The following PCP2 variants were observed in gnomAD, a reference collection of about 807,000 sequenced individuals.
PCP2 encodes Purkinje cell protein 2 homolog.
Under a neutral mutation model 18.3 loss-of-function variants are expected in PCP2, and 21 were observed. The ratio of observed to expected loss-of-function variants is 1.14; its 90% confidence interval spans 0.81 to 1.65. The LOEUF is 1.65. Ranked by LOEUF, PCP2 falls within the 40% of genes most tolerant of loss-of-function variation. The pLI is 0.00. For synonymous variants in PCP2, 85 were observed against 77.6 expected (o/e 1.10, Z -0.50); for missense variants, 202 against 201.8 (o/e 1.00, Z 0.00).
In PCP2 at chr19:7,633,536, G is replaced by T; in HGVS notation, c.-79C>A. ...AGAGGGCCTTTTAAACGTCCAGGAC[G>T]TGGGGGTGTGGATTCCCCCCATCCC... On this transcript the variant is annotated 5_prime_UTR_variant, in exon 1 of 4. Transcript: ENST00000311069. The T allele has an allele frequency of 7.1e-7, 1 of 1,410,014 alleles. No homozygotes were observed. The highest frequency in any genetic ancestry group is 2.0e-5 in the Admixed American group (1 of 49,416). The allele number at this position is 1,410,014 out of a possible 1,614,324, so 87.3% of individuals were successfully genotyped here.
In PCP2 at chr19:7,632,691, A is replaced by G; in HGVS notation, c.166+25T>C. 1 of 1,548,314 alleles carries G rather than the reference A, an allele frequency of 6.5e-7. No individual in the cohort carries two copies. ...CTCCCACCCCGTTCACGCCCCATGG[A>G]CAGCACCCCCGTGCCCATGCTCACG... On this transcript the variant is annotated intron_variant, in intron 2 of 3. Coordinates refer to ENST00000311069, the MANE Select transcript of PCP2 (RefSeq NM_174895.3). The surrounding 1 kb of genome is among the most constrained non-coding windows in gnomAD (Gnocchi z 5.2).
At position 7,632,758 on chromosome 19, in the gene PCP2, G is replaced by A. The variant is rs1359982464; in HGVS notation, c.124C>T (p.Arg42Cys). Residue 42 changes from arginine to cysteine, a missense_variant, in exon 2 of 4, where the codon CGC (arginine) becomes TGC (cysteine). Arg to Cys is a radical substitution (Grantham distance 180, BLOSUM62 -3). Coordinates refer to ENST00000311069, the MANE Select transcript of PCP2 (RefSeq NM_174895.3). The surrounding 1 kb of genome is among the most constrained non-coding windows in gnomAD (Gnocchi z 5.2). ...HVQGDRMEGQ[R>C]CSLQAGPGQT... is the part of the protein sequence containing the mutation. ...CCCGGCCCGGCTTGCAGTGAACAGC[G>A]CTGTCCCTCCATCCGGTCGCCCTGC... is the stretch of plus-strand genomic sequence containing the variant. The A allele has an allele frequency of 2.2e-5, 35 of 1,568,192 alleles. No individual in the cohort carries two copies. Among genetic ancestry groups the A allele is most frequent in the Non-Finnish European group, 2.8e-5 (33 of 1,161,220 alleles).
chr19:7,631,828 A>T lies in PCP2; in HGVS notation c.292-20T>A. On this transcript the variant is annotated intron_variant, in intron 3 of 3. Transcript: ENST00000311069. ...TCCGTCCTGTGGATGAAGAGGGGTC[A>T]GCCAGGGGGAGGGCTCAAGGGCAGT... 1 of 1,383,866 alleles carries T rather than the reference A, an allele frequency of 7.2e-7. No individual in the cohort carries two copies. Among genetic ancestry groups the T allele is most frequent in the Non-Finnish European group, 9.4e-7 (1 of 1,062,828 alleles). The allele number at this position is 1,383,866 out of a possible 1,614,324, so 85.7% of individuals were successfully genotyped here. A position where few individuals can be genotyped will look rare whatever the true frequency, so the allele number is the denominator to read the frequency against.
Position 7,631,900 on chromosome 19 carries a change from C to T in PCP2, c.292-92G>A, listed in dbSNP as rs1056332821. On this transcript the variant is annotated intron_variant, in intron 3 of 3. Coordinates refer to ENST00000311069, the MANE Select transcript of PCP2 (RefSeq NM_174895.3). ...ATGGAGAGAGGGTGCAGGTAGCCAC[C>T]GTGTCCCACCTCATTGTGAGCACTG... is the stretch of plus-strand genomic sequence containing the variant. The T allele has an allele frequency of 6.9e-5, 84 of 1,218,214 alleles. No homozygotes were observed. In the African/African-American group the frequency reaches 7.4e-4, roughly 11 times the overall value. The allele number at this position is 1,218,214 out of a possible 1,614,324, so 75.5% of individuals were successfully genotyped here.
intron 3 of PCP2, 181 bp from the exon 4 acceptor site, chr19:7,631,989 G>C (rs2031331345): frequency 1.7e-6 from 1 of 572,272 alleles, no homozygotes; most frequent in Non-Finnish European, 2.7e-6. Flanking sequence ...GGCAGGTCTT[G>C]GGGCCCTCGC....
At position 7,632,340 on chromosome 19, in the gene PCP2, C is replaced by T. The variant is rs1274736364; in HGVS notation, c.291+53G>A. 1.7e-5 allele frequency: 27 copies of T among 1,605,100 alleles called. No individual in the cohort carries two copies. Among genetic ancestry groups the T allele is most frequent in the Middle Eastern group, 1.7e-4 (1 of 6,054 alleles). On this transcript the variant is annotated intron_variant, in intron 3 of 3. Coordinates refer to ENST00000311069, the MANE Select transcript of PCP2 (RefSeq NM_174895.3). This position sits in a 1 kb window ranked among gnomAD's most constrained non-coding sequence, Gnocchi z 5.2. ...TCCTGGCTGGGGTGGAGGGCAGGAT[C>T]GGAGAGCACTGCCTGGCGGGTTTCT...
chr19:7,633,553 C>T lies in PCP2; in HGVS notation c.-96G>A. The stretch of plus-strand genomic sequence containing the variant: ...TCCAGGACGTGGGGGTGTGGATTCC[C>T]CCCATCCCCAAATCCCCAGCTCATG... On this transcript the variant is annotated 5_prime_UTR_variant, in exon 1 of 4. Transcript: ENST00000311069. 8.2e-7 allele frequency: 1 copy of T among 1,222,970 alleles called. No homozygotes were observed. Among genetic ancestry groups the T allele is most frequent in the East Asian group, 2.5e-5 (1 of 39,272 alleles). 75.8% of individuals were successfully genotyped at this position (1,222,970 alleles called of 1,614,324 possible).
At position 7,632,334 on chromosome 19, in the gene PCP2, C is replaced by A; in HGVS notation, c.291+59G>T. The A allele has an allele frequency of 6.2e-7, 1 of 1,601,172 alleles. No individual in the cohort carries two copies. The highest frequency in any genetic ancestry group is 8.5e-7 in the Non-Finnish European group (1 of 1,174,100). ...GTTCCCTCCTGGCTGGGGTGGAGGG[C>A]AGGATCGGAGAGCACTGCCTGGCGG... On this transcript the variant is annotated intron_variant, in intron 3 of 3. Coordinates refer to ENST00000311069, the MANE Select transcript of PCP2 (RefSeq NM_174895.3). The surrounding 1 kb of genome is among the most constrained non-coding windows in gnomAD (Gnocchi z 5.2).
upstream of PCP2, among the ~76,000 whole-genome samples, chr19:7,635,533 C>A (rs1346996549): frequency 6.6e-6 from 1 of 151,772 alleles, no homozygotes; most frequent in Non-Finnish European, 1.5e-5. Context: ...TGTCTCTTAA[C>A]AACAACAACA....
rs2031414937 is a variant in PCP2, at chr19:7,633,390, G to A, written c.51+17C>T. ...AGACCTTGAGCTGGGGGTGGGGTGG[G>A]GGCAGGGCCCTCTCACCTCGGCACA... On this transcript the variant is annotated intron_variant, in intron 1 of 3. Transcript: ENST00000311069. The A allele has an allele frequency of 6.4e-7, 1 of 1,563,534 alleles. No individual in the cohort carries two copies.
In PCP2 at chr19:7,632,055, T is replaced by C. The variant is rs2031334289; in HGVS notation, c.292-247A>G. 5.9e-6 allele frequency: 3 copies of C among 510,714 alleles called. No homozygotes were observed. The East Asian group carries it at 9.4e-5, about 16-fold the overall frequency. 31.6% of individuals were successfully genotyped at this position (510,714 alleles called of 1,614,324 possible). On this transcript the variant is annotated intron_variant, in intron 3 of 3. Coordinates refer to ENST00000311069, the MANE Select transcript of PCP2 (RefSeq NM_174895.3). The surrounding 1 kb of genome is among the most constrained non-coding windows in gnomAD (Gnocchi z 5.2). ...TATGTGTGAAGTCAACAGATGTGAG[T>C]ATACAGATGTATATATCCTATGTGT...
At chr19:7,634,146 C>A (rs1265769277), upstream of PCP2, among the ~76,000 whole-genome samples, 1 of 152,202 alleles carries the variant, frequency 6.6e-6, no homozygotes, top group Non-Finnish European at 1.5e-5. Context: ...ATCTCCTCTC[C>A]TCTATCACCC....
At chr19:7,635,651 G>C (rs772359894), upstream of PCP2, among the ~76,000 whole-genome samples, 1 of 151,990 alleles carries the variant, frequency 6.6e-6, no homozygotes, top group East Asian at 1.9e-4. Flanking sequence ...AGCTATGATC[G>C]TGCCACTGCC....
At position 7,632,776 on chromosome 19, in the gene PCP2, C is replaced by T. The variant is rs139180721; in HGVS notation, c.106G>A (p.Asp36Asn). The change falls in exon 2 of 4, where the codon GAC (aspartate) becomes AAC (asparagine). Residue 36 changes from aspartate to asparagine, a missense_variant. Physicochemically the swap from Asp to Asn is conservative, Grantham distance 23 (BLOSUM62 1). Transcript: ENST00000311069. This position sits in a 1 kb window ranked among gnomAD's most constrained non-coding sequence, Gnocchi z 5.2. ...GAACAGCGCTGTCCCTCCATCCGGT[C>T]GCCCTGCACGTGGCTCAGCAGATTG... ...FFNLLSHVQG[D>N]RMEGQRCSLQ... 1.9e-4 allele frequency: 297 copies of T among 1,566,706 alleles called. 2 individuals are homozygous for T. The East Asian group carries it at 4.5e-3, about 24-fold the overall frequency.
At chr19:7,631,836 G>A (rs2031322650) in intron 3 of PCP2, 28 bp from the exon 4 acceptor site, 1 of 1,384,038 alleles carries the variant, frequency 7.2e-7, no homozygotes, top group South Asian at 2.1e-5. Flanking sequence ...TCAGCCAGGG[G>A]GAGGGCTCAA....
chr19:7,632,966 G>A lies in PCP2; in HGVS notation c.52-136C>T, dbSNP rs530390897. 2.7e-5 allele frequency: 40 copies of A among 1,468,898 alleles called. No homozygotes were observed. Among genetic ancestry groups the A allele is most frequent in the Admixed American group, 1.9e-4 (8 of 42,254 alleles). 91.0% of individuals were successfully genotyped at this position (1,468,898 alleles called of 1,614,324 possible). A position where few individuals can be genotyped will look rare whatever the true frequency, so the allele number is the denominator to read the frequency against. ...CTCAGCTCTCACCATGGTCCCCGCC[G>A]ATCCTCTCTGCAGAGCTGTTCTGAA... On this transcript the variant is annotated intron_variant, in intron 1 of 3. Transcript: ENST00000311069. The surrounding 1 kb of genome is among the most constrained non-coding windows in gnomAD (Gnocchi z 5.2).
Position 7,631,813 on chromosome 19 carries a change from G to T in PCP2, c.292-5C>A, listed in dbSNP as rs1326298373. 7.2e-7 allele frequency: 1 copy of T among 1,394,334 alleles called. No individual in the cohort carries two copies. The highest frequency in any genetic ancestry group is 2.8e-5 in the Admixed American group (1 of 36,214). 86.4% of individuals were successfully genotyped at this position (1,394,334 alleles called of 1,614,324 possible). A position where few individuals can be genotyped will look rare whatever the true frequency, so the allele number is the denominator to read the frequency against. On this transcript the variant is annotated splice_region_variant and splice_polypyrimidine_tract_variant and intron_variant, in intron 3 of 3. Coordinates refer to ENST00000311069, the MANE Select transcript of PCP2 (RefSeq NM_174895.3). Reference sequence around the variant, plus strand: ...AGCTCGTTTCTGTGCTCCGTCCTGTGGATGAAGAGGGGTCAGCCAGGGGGA... The same window carrying T: ...AGCTCGTTTCTGTGCTCCGTCCTGTTGATGAAGAGGGGTCAGCCAGGGGGA...
At chr19:7,634,494 G>A (rs574334289), upstream of PCP2, among the ~76,000 whole-genome samples, 58 of 152,306 alleles carry the variant, frequency 3.8e-4, no homozygotes, top group African/African-American at 1.3e-3. Flanking sequence ...CCAGAACAAA[G>A]TGTCATAGAC....
At chr19:7,635,004 T>C (rs1388941981), upstream of PCP2, among the ~76,000 whole-genome samples, 1 of 152,248 alleles carries the variant, frequency 6.6e-6, no homozygotes, top group Admixed American at 6.5e-5. Flanking sequence ...GGGCCTACTC[T>C]ACTCCAGTGT....
Sources: allele counts gnomAD v4.1 joint callset (sites outside exome capture counted in the v4.1 genomes callset), GRCh38; gene constraint gnomAD v4.1.1; non-coding constraint Gnocchi (gnomAD v3.1); transcripts MANE v1.5; gene names NCBI Gene and HGNC (gene_info 2026-07-23, HGNC 2026-07-21).